GIGYF2: variants seen among roughly 807,000 people sequenced by gnomAD.
GIGYF2 encodes GRB10-interacting GYF protein 2.
In GIGYF2, 25 loss-of-function variants were observed where a neutral mutation model predicts 208.1. The ratio of observed to expected loss-of-function variants is 0.12; its 90% CI spans 0.09 to 0.17. GIGYF2 has a LOEUF of 0.17. GIGYF2 is among the 10% of genes least tolerant of loss of function. GIGYF2 has a pLI of 1.00. For missense variants in GIGYF2, 1,302 were observed against 1,579.4 expected (o/e 0.82, Z 2.98); for synonymous variants, 534 against 543.8 (o/e 0.98, Z 0.25).
At chr2:232,850,010 G>GT (rs1690250997) in intron 27 of GIGYF2, among the ~76,000 whole-genome samples, 1 of 152,178 alleles carries the variant, frequency 6.6e-6, no homozygotes, top group Non-Finnish European at 1.5e-5. Context: ...ACAGCAGGGT[G>GT]GAAACCCAGA....
chr2:232,850,618 T>C lies in GIGYF2; in HGVS notation c.3832+209T>C, dbSNP rs115326942. ...TGCCTCATGTAATAACAACTTATATTGTATGGTGCTTTAAAGTATTGTTTG... is the reference window on the plus strand; with the variant it reads ...TGCCTCATGTAATAACAACTTATATCGTATGGTGCTTTAAAGTATTGTTTG... On this transcript the variant is annotated intron_variant, in intron 28 of 28. Coordinates refer to ENST00000373563, the MANE Select transcript of GIGYF2 (RefSeq NM_001103146.3). Among the ~76,000 whole-genome samples the C allele has an allele frequency of 2.4e-3, 373 of 152,332 alleles. 1 individual carries two copies. The highest frequency in any genetic ancestry group is 8.8e-3 in the African/African-American group (365 of 41,572).
chr2:232,752,432 A>G (rs943180420), intron 5 of GIGYF2, among the ~76,000 whole-genome samples: 4 of 152,256 alleles, frequency 2.6e-5, no homozygotes, highest in East Asian at 3.9e-4. Flanking sequence ...TTCTCCCTCC[A>G]TGTATCTGTG....
chr2:232,740,172 A>G (rs1451381485), intron 3 of GIGYF2, among the ~76,000 whole-genome samples: 1 of 152,106 alleles, frequency 6.6e-6, no homozygotes, highest in Non-Finnish European at 1.5e-5. Flanking sequence ...TCAAAAATCT[A>G]TTCAGTCGAG....
intron 2 of GIGYF2, 146 bp from the exon 3 acceptor site, chr2:232,735,009 T>C: frequency 1.7e-6 from 1 of 601,522 alleles, no homozygotes; most frequent in Non-Finnish European, 3.0e-6. Context: ...TGCTATATTA[T>C]TGTTTTAAGT....
intron 1 of GIGYF2, chr2:232,700,547 AAT>A (rs1275830057): frequency 6.6e-6 from 1 of 152,204 alleles, no homozygotes; most frequent in Non-Finnish European, 1.5e-5. Flanking sequence ...CTGCTGATTA[AAT>A]TTCCCATACT....
At chr2:232,736,454 A>T (rs1412700062) in intron 3 of GIGYF2, 2 of 152,960 alleles carry the variant, frequency 1.3e-5, no homozygotes, top group Non-Finnish European at 2.9e-5. Context: ...AAATGGGATC[A>T]TACTGTACCT....
At chr2:232,796,349 C>A in intron 14 of GIGYF2, 128 bp downstream of exon 14, 1 of 717,350 alleles carries the variant, frequency 1.4e-6, no homozygotes, top group Non-Finnish European at 2.5e-6. Flanking sequence ...CGCGCACACA[C>A]GCAGACTAGA....
chr2:232,808,945 A>G (rs1465652791), intron 15 of GIGYF2, among the ~76,000 whole-genome samples: 2 of 151,844 alleles, frequency 1.3e-5, no homozygotes, highest in Non-Finnish European at 2.9e-5. Context: ...ATATACATAC[A>G]TATATATATA....
chr2:232,698,274 G>A (rs988247960), intron 1 of GIGYF2: 1 of 152,118 alleles, frequency 6.6e-6, no homozygotes, highest in Non-Finnish European at 1.5e-5. Context: ...GCAAGTCAAA[G>A]CACTTAAACA....
rs932328766 is a variant in GIGYF2 at position 232,730,010 on chromosome 2, T to C, written c.-43-5145T>C. On this transcript the variant is annotated intron_variant, in intron 2 of 28. Transcript: ENST00000373563. Reference sequence around the variant, plus strand: ...CTCCTGGAAGGCTGGCCTTTTCTTTTTCGTAAGACTTGATGTGATTATACC... The same window carrying C: ...CTCCTGGAAGGCTGGCCTTTTCTTTCTCGTAAGACTTGATGTGATTATACC... The C allele has an allele frequency of 6.5e-6, 5 of 772,584 alleles. No homozygotes were observed. In the African/African-American group the frequency reaches 6.9e-5, roughly 11 times the overall value. 47.9% of individuals were successfully genotyped at this position (772,584 alleles called of 1,614,324 possible).
intron 5 of GIGYF2, among the ~76,000 whole-genome samples, chr2:232,755,618 G>A (rs189777154): frequency 6.6e-6 from 1 of 152,202 alleles, no homozygotes. Context: ...TGAGTGATTG[G>A]GTTTTACTTT....
At chr2:232,771,317 T>A in intron 8 of GIGYF2, 1 of 1,612,124 alleles carries the variant, frequency 6.2e-7, no homozygotes, top group Non-Finnish European at 8.5e-7. Context: ...CTCCGGTATC[T>A]TTGACTTAGG....
At chr2:232,719,090 A>G (rs879552878) in intron 2 of GIGYF2, 11 of 152,042 alleles carry the variant, frequency 7.2e-5, no homozygotes, top group Admixed American at 3.9e-4. Context: ...CCTTCGAGCA[A>G]TTCTTCTGCC....
chr2:232,815,218 G>T (rs189313204), intron 18 of GIGYF2, among the ~76,000 whole-genome samples: 1 of 146,398 alleles, frequency 6.8e-6, no homozygotes, highest in African/African-American at 2.4e-5. Context: ...TAGTTGGTGT[G>T]CAGTGAGAGG....
chr2:232,734,088 TTTTA>T (rs1697624610), intron 2 of GIGYF2, among the ~76,000 whole-genome samples: 1 of 150,698 alleles, frequency 6.6e-6, no homozygotes, highest in East Asian at 1.9e-4. Flanking sequence ...AAAATTTATA[TTTTA>T]TTTATTTATT....
intron 28 of GIGYF2, among the ~76,000 whole-genome samples, chr2:232,852,446 GAGGC>G (rs1690387846): frequency 6.6e-6 from 1 of 152,206 alleles, no homozygotes; most frequent in Non-Finnish European, 1.5e-5. Context: ...TCGGGAAGCT[GAGGC>G]AGGAGAATCA....
chr2:232,816,775 G>A (rs1350238309), intron 19 of GIGYF2, 96 bp from the exon 20 acceptor site: 1 of 901,100 alleles, frequency 1.1e-6, no homozygotes, highest in Non-Finnish European at 1.9e-6. Flanking sequence ...TACGGTACAA[G>A]CAGCTGATTG....
rs1700574613 is a variant in GIGYF2 at position 232,806,765 on chromosome 2, T to C, written c.1806+108T>C. 1.2e-6 allele frequency: 1 copy of C among 839,866 alleles called. No individual in the cohort carries two copies. The highest frequency in any genetic ancestry group is 2.1e-6 in the Non-Finnish European group (1 of 483,328). The allele number at this position is 839,866 out of a possible 1,614,324, so 52.0% of individuals were successfully genotyped here. On this transcript the variant is annotated intron_variant, in intron 15 of 28. Transcript: ENST00000373563. The surrounding 1 kb of genome is among the most constrained non-coding windows in gnomAD (Gnocchi z 4.0). ...ATCTAATGAAGGAATTGTAGTTCTT[T>C]GAAATTAATGGAAATGGTAAGGGAA...
chr2:232,721,363 GTTAAACCTC>G (rs1696935489), intron 2 of GIGYF2, among the ~76,000 whole-genome samples: 1 of 152,150 alleles, frequency 6.6e-6, no homozygotes, highest in African/African-American at 2.4e-5. Flanking sequence ...TTATTTTTGT[GTTAAACCTC>G]TCCCTCGTGT....
Sources: gnomAD v4.1 joint callset for allele counts (sites outside exome capture counted in the v4.1 genomes callset) on GRCh38, gnomAD v4.1.1 for gene constraint, Gnocchi (gnomAD v3.1) non-coding constraint, MANE v1.5 for transcripts, NCBI Gene and HGNC (gene_info 2026-07-23, HGNC 2026-07-21) for gene names.